The following ZRANB3 variants were observed in gnomAD, a reference collection of about 807,000 sequenced individuals.
The protein encoded by ZRANB3 is zinc finger RANBP2-type containing 3.
In ZRANB3, 125 loss-of-function variants were observed where a neutral mutation model predicts 133.8. The observed-to-expected ratio is 0.93, with a 90% CI of 0.81 to 1.08. The LOEUF (loss-of-function observed/expected upper bound fraction) is 1.08, where lower values mean the gene tolerates loss of function less well. Among genes scored for constraint, ZRANB3 ranks in the 50% least tolerant of loss-of-function variants. The pLI, the probability that ZRANB3 is intolerant of heterozygous loss-of-function variation, is 0.00. For synonymous variants in ZRANB3, 387 were observed against 432.7 expected, an observed-to-expected ratio of 0.89 and a Z score of 1.31; for missense variants, 1,229 against 1,275.5, an observed-to-expected ratio of 0.96 and a Z score of 0.56.
chr2:135,507,256 T>A (rs1416626639), intron 1 of ZRANB3, among the ~76,000 whole-genome samples: 1 of 152,090 alleles, frequency 6.6e-6, no homozygotes, highest in East Asian at 1.9e-4. Flanking sequence ...AGAAAAAAAA[T>A]CCACAGATTT....
intron 1 of ZRANB3, among the ~76,000 whole-genome samples, chr2:135,510,355 C>G (rs1209149198): frequency 6.6e-6 from 1 of 152,028 alleles, no homozygotes; most frequent in African/African-American, 2.4e-5. Flanking sequence ...AAGTGAAAGA[C>G]TAAAGGTCAG....
chr2:135,353,432 T>C lies in ZRANB3; in HGVS notation c.359+18A>G. ...CAAGGAAGACTTTTCTCCTTAAATA[T>C]TAAACAGTTGTTCTTACCTAACATC... is the stretch of plus-strand genomic sequence containing the variant. On this transcript the variant is annotated intron_variant, in intron 4 of 20. Transcript: ENST00000264159. 1 of 1,534,768 alleles carries C rather than the reference T, an allele frequency of 6.5e-7. No individual in the cohort carries two copies. Among genetic ancestry groups the C allele is most frequent in the Non-Finnish European group, 8.8e-7 (1 of 1,141,646 alleles).
rs898082470 is a variant in ZRANB3, at chr2:135,375,554, G to A, written c.180+15248C>T. 6.6e-5 allele frequency among the ~76,000 whole-genome samples: 10 copies of A among 152,134 alleles called. 1 individual carries two copies. The South Asian group carries it at 1.4e-3, about 22-fold the overall frequency. On this transcript the variant is annotated intron_variant, in intron 3 of 20. Transcript: ENST00000264159. ...CAAAAAACTAGCCGGGCATGGTGGC[G>A]GGCACCAGTAGTCCCAGCTACTTGG... is the stretch of plus-strand genomic sequence containing the variant.
intron 5 of ZRANB3, among the ~76,000 whole-genome samples, chr2:135,348,894 G>A (rs559751411): frequency 2.6e-5 from 4 of 152,090 alleles, no homozygotes; most frequent in East Asian, 3.9e-4. Flanking sequence ...GAGTCCAGCC[G>A]ACTCTCTGGA....
Position 135,224,493 on chromosome 2 carries a change from A to C in ZRANB3, c.2183T>G (p.Leu728Trp). ...GAACATTAAGGTGTCATACACTGGC[A>C]AAGTGTCTGAACTCTTCCACTGTTC... ...GNEQWKSSDTLPVYDTLMFCA... is the reference protein window; with the variant it reads ...GNEQWKSSDTWPVYDTLMFCA... The change falls in exon 15 of 21, where the codon TTG becomes TGG. Residue 728 changes from leucine (L) to tryptophan (W), a missense_variant. Transcript: ENST00000264159. 6.2e-7 allele frequency: 1 copy of C among 1,613,224 alleles called. No individual in the cohort carries two copies. Among genetic ancestry groups the C allele is most frequent in the Non-Finnish European group, 8.5e-7 (1 of 1,179,432 alleles).
intron 7 of ZRANB3, 42 bp from the exon 8 acceptor site, chr2:135,313,647 C>A (rs768422399): frequency 3.1e-6 from 4 of 1,286,238 alleles, no homozygotes; most frequent in Non-Finnish European, 3.3e-6. Flanking sequence ...TATAGCATAA[C>A]GAACAGAACA....
chr2:135,421,417 C>T (rs1447250813), intron 2 of ZRANB3, among the ~76,000 whole-genome samples: 1 of 152,096 alleles, frequency 6.6e-6, no homozygotes, highest in African/African-American at 2.4e-5. Context: ...TATGGAGAGG[C>T]CTCCTTTTAC....
chr2:135,239,415 A>T (rs563955610), intron 12 of ZRANB3, among the ~76,000 whole-genome samples: 448 of 15,612 alleles, frequency 0.029, 3 homozygotes, highest in African/African-American at 0.13. Context: ...AGTATAAAAA[A>T]TCAAAAAAAA....
chr2:135,363,554 C>T (rs1320831295), intron 3 of ZRANB3, among the ~76,000 whole-genome samples: 2 of 151,764 alleles, frequency 1.3e-5, no homozygotes, highest in African/African-American at 4.8e-5. Context: ...CATTTTTTTC[C>T]ACTTGCATTG....
At chr2:135,218,342 A>G (rs1197846788) in intron 16 of ZRANB3, among the ~76,000 whole-genome samples, 1 of 152,166 alleles carries the variant, frequency 6.6e-6, no homozygotes, top group Non-Finnish European at 1.5e-5. Context: ...AAAAAACATC[A>G]ATAAATCTGG....
chr2:135,452,122 A>C (rs1690299639), intron 2 of ZRANB3, among the ~76,000 whole-genome samples: 1 of 152,174 alleles, frequency 6.6e-6, no homozygotes, highest in African/African-American at 2.4e-5. Flanking sequence ...TGGGGAGGCA[A>C]AAGGCACTTC....
chr2:135,328,846 C>T (rs568492000), intron 6 of ZRANB3, among the ~76,000 whole-genome samples: 5 of 152,258 alleles, frequency 3.3e-5, no homozygotes, highest in African/African-American at 1.2e-4. Context: ...TGTCTGTTGG[C>T]TGCGTAAGTG....
At chr2:135,372,526 G>A (rs964313408) in intron 3 of ZRANB3, among the ~76,000 whole-genome samples, 2 of 152,040 alleles carry the variant, frequency 1.3e-5, no homozygotes, top group East Asian at 1.9e-4. Flanking sequence ...GGCCAGGCGC[G>A]GTGGCTCATG....
rs759131824 is a variant in ZRANB3, at chr2:135,313,497, T to A, written c.958A>T (p.Ile320Phe). 2 of 1,608,256 alleles carry A rather than the reference T, an allele frequency of 1.2e-6. No homozygotes were observed. The highest frequency in any genetic ancestry group is 1.7e-6 in the Non-Finnish European group (2 of 1,175,708). The part of the protein sequence containing the change: ...LITRMFKQTA[I>F]AKAGAVKDYI... ...GGCCCAGCAAAGAGTACCTTGGCAATAGCAGTTTGTTTAAACATGCGAGTT... is the reference window on the plus strand; with the variant it reads ...GGCCCAGCAAAGAGTACCTTGGCAAAAGCAGTTTGTTTAAACATGCGAGTT... Residue 320 changes from isoleucine (I) to phenylalanine (F), a missense_variant, in exon 8 of 21, where the codon ATT (isoleucine) becomes TTT (phenylalanine). Coordinates refer to ENST00000264159, the MANE Select transcript of ZRANB3 (RefSeq NM_032143.4).
At chr2:135,368,269 A>G (rs1686024332) in intron 3 of ZRANB3, among the ~76,000 whole-genome samples, 1 of 151,972 alleles carries the variant, frequency 6.6e-6, no homozygotes, top group Non-Finnish European at 1.5e-5. Flanking sequence ...TCTTCCTAAG[A>G]AAAAAATTTC....
intron 2 of ZRANB3, among the ~76,000 whole-genome samples, chr2:135,442,891 T>G (rs1002049723): frequency 1.3e-5 from 2 of 151,604 alleles, no homozygotes; most frequent in Non-Finnish European, 2.9e-5. Context: ...CCGAGGTGGG[T>G]GGATCACAAG....
chr2:135,430,639 A>G (rs945304216), intron 2 of ZRANB3, among the ~76,000 whole-genome samples: 5 of 152,198 alleles, frequency 3.3e-5, no homozygotes, highest in African/African-American at 1.2e-4. Flanking sequence ...AGTTTTCTCA[A>G]TATAAGACTA....
chr2:135,470,416 T>C (rs568632867), intron 2 of ZRANB3, among the ~76,000 whole-genome samples: 1 of 152,176 alleles, frequency 6.6e-6, no homozygotes, highest in South Asian at 2.1e-4. Flanking sequence ...CCAGGAGCGG[T>C]GGCTCACGCC....
intron 6 of ZRANB3, among the ~76,000 whole-genome samples, chr2:135,316,216 A>G (rs1431464353): frequency 6.6e-6 from 1 of 152,222 alleles, no homozygotes; most frequent in East Asian, 1.9e-4. Context: ...AAAGAAAGGA[A>G]GCGATAACTT....
Sources: allele counts gnomAD v4.1 joint callset (sites outside exome capture counted in the v4.1 genomes callset), GRCh38; gene constraint gnomAD v4.1.1; transcripts MANE v1.5; gene names NCBI Gene and HGNC (gene_info 2026-07-23, HGNC 2026-07-21).